ACAD10: variants seen among roughly 807,000 people sequenced by gnomAD.
The protein encoded by ACAD10 is acyl-CoA dehydrogenase family member 10.
Under a neutral mutation model 116.8 loss-of-function variants are expected in ACAD10, and 112 were observed. The observed-to-expected ratio is 0.96, with a 90% CI of 0.82 to 1.12. ACAD10 has a LOEUF of 1.12. Among genes scored for constraint, ACAD10 ranks in the 50% most tolerant of loss-of-function variants. The pLI, the probability that ACAD10 is intolerant of heterozygous loss-of-function variation, is 0.00. For synonymous variants in ACAD10, 486 were observed against 510.6 expected (o/e 0.95, Z 0.65); for missense variants, 1,259 against 1,350.2 (o/e 0.93, Z 1.06).
At chr12:111,745,126 C>A (rs1167232201) in intron 13 of ACAD10, 83 bp downstream of exon 13, 1 of 1,441,484 alleles carries the variant, frequency 6.9e-7, no homozygotes, top group African/African-American at 1.4e-5. Context: ...TGAACCATCC[C>A]AGGCAGTGAA....
intron 9 of ACAD10, 126 bp downstream of exon 9, chr12:111,728,269 C>A (rs1032625308): frequency 4.3e-6 from 4 of 928,930 alleles, no homozygotes; most frequent in African/African-American, 3.3e-5. Context: ...TTAGCTTCTT[C>A]CTTGGAAATC....
rs762619644 is a variant in ACAD10 at position 111,697,584 on chromosome 12, C to CTTT, written c.188-4562_188-4560dup. ...CCATGTTGACCAGGTTGGTCTCTCT[C>CTTT]TTTTTTTTTTTTTTTTTTGAGACAG... On this transcript the variant is annotated intron_variant, in intron 2 of 20. Coordinates refer to ENST00000313698, the MANE Select transcript of ACAD10 (RefSeq NM_025247.6). Among the ~76,000 whole-genome samples the CTTT allele has an allele frequency of 4.1e-4, 49 of 120,538 alleles. 1 individual carries two copies. Among genetic ancestry groups the CTTT allele is most frequent in the East Asian group, 2.8e-3 (11 of 3,986 alleles). The allele number at this position is 120,538 out of a possible 152,430, so 79.1% of individuals were successfully genotyped here. A position where few individuals can be genotyped will look rare whatever the true frequency, so the allele number is the denominator to read the frequency against.
chr12:111,718,932 CT>C (rs1219511012), intron 7 of ACAD10, among the ~76,000 whole-genome samples: 1 of 151,906 alleles, frequency 6.6e-6, no homozygotes, highest in African/African-American at 2.4e-5. Context: ...TGGTGAAACC[CT>C]GTCTCTAATA....
At chr12:111,719,973 C>T (rs571073159) in intron 7 of ACAD10, among the ~76,000 whole-genome samples, 7 of 151,908 alleles carry the variant, frequency 4.6e-5, no homozygotes, top group South Asian at 4.2e-4. Flanking sequence ...GTGATCCACC[C>T]GCCTCAGCCT....
intron 13 of ACAD10, 91 bp from the exon 14 acceptor site, chr12:111,746,053 T>C (rs567928209): frequency 6.6e-7 from 1 of 1,515,376 alleles, no homozygotes; most frequent in Non-Finnish European, 8.9e-7. Context: ...TTGTCTGCCT[T>C]GTTTCCTCCA....
At chr12:111,703,924 T>TAA (rs997435750) in intron 3 of ACAD10, among the ~76,000 whole-genome samples, 4 of 149,854 alleles carry the variant, frequency 2.7e-5, no homozygotes, top group Non-Finnish European at 5.9e-5. Context: ...TATATATATA[T>TAA]AAACATATAT....
rs1279367532 is a variant in ACAD10 at position 111,748,489 on chromosome 12, G to A, written c.2644+14G>A. 1 of 1,612,402 alleles carries A rather than the reference G, an allele frequency of 6.2e-7. No individual in the cohort carries two copies. Among genetic ancestry groups the A allele is most frequent in the Admixed American group, 1.7e-5 (1 of 60,008 alleles). Reference sequence around the variant, plus strand: ...AAGATGCACCAGGTGAGACCTCCAGGGGCGGGTCACCCCTGGGTGTGGGTC... The same window carrying A: ...AAGATGCACCAGGTGAGACCTCCAGAGGCGGGTCACCCCTGGGTGTGGGTC... On this transcript the variant is annotated intron_variant, in intron 17 of 20. Transcript: ENST00000313698.
intron 8 of ACAD10, among the ~76,000 whole-genome samples, chr12:111,726,816 G>A (rs634819): frequency 0.26 from 39,239 of 151,796 alleles, 6,661 homozygotes; most frequent in East Asian, 0.9. Context: ...AGCCAAGATC[G>A]TACCACTGCA....
intron 7 of ACAD10, among the ~76,000 whole-genome samples, chr12:111,718,101 G>A (rs564689761): frequency 1.6e-5 from 2 of 128,510 alleles, no homozygotes; most frequent in East Asian, 4.7e-4. Flanking sequence ...CCAGGCTGGA[G>A]TGCAGTGGCA....
chr12:111,689,396 A>C (rs986831511), intron 1 of ACAD10, among the ~76,000 whole-genome samples: 1 of 151,844 alleles, frequency 6.6e-6, no homozygotes, highest in East Asian at 1.9e-4. Flanking sequence ...ATGGAGTCTC[A>C]CTCTATAACC....
chr12:111,691,064 A>G (rs1244791279), intron 1 of ACAD10: 1 of 152,176 alleles, frequency 6.6e-6, no homozygotes, highest in African/African-American at 2.4e-5. Flanking sequence ...TCAAGCTTAT[A>G]GAAAAGTCAA....
intron 4 of ACAD10, 56 bp from the exon 5 acceptor site, chr12:111,709,470 C>A: frequency 1.4e-6 from 2 of 1,432,818 alleles, no homozygotes; most frequent in Non-Finnish European, 1.9e-6. Flanking sequence ...TACCAGCATG[C>A]ATGTGGGAGC....
intron 1 of ACAD10, among the ~76,000 whole-genome samples, chr12:111,690,780 CAAAA>C (rs540935938): frequency 6.3e-5 from 4 of 63,534 alleles, no homozygotes; most frequent in African/African-American, 1.0e-4. Context: ...GTGAGACTCT[CAAAA>C]AAAAAAAAAA....
intron 3 of ACAD10, among the ~76,000 whole-genome samples, chr12:111,705,155 G>A (rs1438917591): frequency 6.6e-6 from 1 of 151,776 alleles, no homozygotes; most frequent in East Asian, 1.9e-4. Flanking sequence ...AGATTTCACT[G>A]TATCCTCTTA....
intron 4 of ACAD10, 74 bp from the exon 5 acceptor site, chr12:111,709,452 A>T: frequency 7.5e-7 from 1 of 1,334,034 alleles, no homozygotes; most frequent in African/African-American, 1.5e-5. Context: ...TTTTCCTCTC[A>T]AAAAGTTTAC....
intron 18 of ACAD10, 172 bp downstream of exon 18, chr12:111,749,517 G>A (rs1890011572): frequency 2.2e-6 from 2 of 907,620 alleles, no homozygotes; most frequent in Admixed American, 2.9e-5. Context: ...CTTTGCTGCA[G>A]TTTGGATTCA....
At chr12:111,726,911 C>G (rs634389) in intron 8 of ACAD10, among the ~76,000 whole-genome samples, 41,699 of 151,316 alleles carry the variant, frequency 0.28, 7,567 homozygotes, top group East Asian at 0.9. Flanking sequence ...CACTCTTCAA[C>G]TAAGAGCAGA....
chr12:111,711,866 T>TGTTTTTA (rs1321006811), intron 5 of ACAD10, among the ~76,000 whole-genome samples: 1 of 152,250 alleles, frequency 6.6e-6, no homozygotes, highest in Non-Finnish European at 1.5e-5. Context: ...ATGTATTTTA[T>TGTTTTTA]GTTTTTAGTT....
Position 111,755,730 on chromosome 12 carries a change from T to A in ACAD10, c.3024T>A (p.Ile1008=). ...CCCCGTCCATGGCCTCCCGAGTGATTGATCGTGCGATTCAGGTGAGCACAG... is the reference window on the plus strand; with the variant it reads ...CCCCGTCCATGGCCTCCCGAGTGATAGATCGTGCGATTCAGGTGAGCACAG... ...MVAPSMASRV[I]DRAIQAFGAA... The change falls in exon 20 of 21, where the codon ATT becomes ATA. Residue 1008 remains isoleucine, a synonymous_variant. Transcript: ENST00000313698. The A allele has an allele frequency of 6.2e-7, 1 of 1,613,890 alleles. No homozygotes were observed. The highest frequency in any genetic ancestry group is 1.7e-5 in the Admixed American group (1 of 59,980).
Sources: gnomAD v4.1 joint callset for allele counts (sites outside exome capture counted in the v4.1 genomes callset) on GRCh38, gnomAD v4.1.1 for gene constraint, MANE v1.5 for transcripts, NCBI Gene and HGNC (gene_info 2026-07-23, HGNC 2026-07-21) for gene names.